CUBN: variants seen among roughly 807,000 people sequenced by gnomAD.
The protein encoded by CUBN is cubilin.
CUBN carries 282 observed loss-of-function variants against 405.3 expected under a neutral mutation model. The ratio of observed to expected loss-of-function variants is 0.70; its 90% CI spans 0.63 to 0.77. CUBN has a LOEUF of 0.77. Among genes scored for constraint, CUBN ranks in the 30% least tolerant of loss-of-function variants. The pLI, the probability that CUBN is intolerant of heterozygous loss-of-function variation, is 0.00. For synonymous variants in CUBN, 1,684 were observed against 1,617.0 expected (o/e 1.04, Z -0.99); for missense variants, 4,514 against 4,475.2 (o/e 1.01, Z -0.25).
At chr10:17,107,005 C>A (rs1416593246) in intron 10 of CUBN, among the ~76,000 whole-genome samples, 1 of 152,138 alleles carries the variant, frequency 6.6e-6, no homozygotes, top group Non-Finnish European at 1.5e-5. Context: ...CTCCTCATTG[C>A]CAAGGTACAA....
At chr10:16,874,708 G>A (rs748362658) in intron 57 of CUBN, among the ~76,000 whole-genome samples, 31 of 152,270 alleles carry the variant, frequency 2.0e-4, no homozygotes, top group Middle Eastern at 3.4e-3. Context: ...ACAGCAAGAG[G>A]GTAGAAACAG....
intron 37 of CUBN, among the ~76,000 whole-genome samples, chr10:16,939,805 G>A (rs1842605924): frequency 6.6e-6 from 1 of 152,146 alleles, no homozygotes; most frequent in Non-Finnish European, 1.5e-5. Flanking sequence ...AGAAATTAGA[G>A]CTTAAAAAGA....
chr10:17,079,296 C>T (rs1294427235), intron 17 of CUBN, among the ~76,000 whole-genome samples: 1 of 141,366 alleles, frequency 7.1e-6, no homozygotes, highest in African/African-American at 2.7e-5. Flanking sequence ...AGTATAGTGG[C>T]GTGATTTCAG....
At chr10:17,095,294 C>T (rs10904874) in intron 14 of CUBN, among the ~76,000 whole-genome samples, 81,490 of 151,726 alleles carry the variant, frequency 0.54, 22,538 homozygotes, top group East Asian at 0.67. Flanking sequence ...ACTGAAGAAC[C>T]AATCCAGGAA....
At chr10:17,051,892 G>A (rs141276338) in intron 22 of CUBN, among the ~76,000 whole-genome samples, 3,482 of 151,242 alleles carry the variant, frequency 0.023, 68 homozygotes, top group Admixed American at 0.052. Context: ...GAAGGAAATA[G>A]CGGCTAAAAT....
At position 16,860,172 on chromosome 10, in the gene CUBN, G is replaced by A. The variant is rs535070490; in HGVS notation, c.9455-8729C>T. Among the ~76,000 whole-genome samples, 8 of 152,066 alleles carry A rather than the reference G, an allele frequency of 5.3e-5. No individual in the cohort carries two copies. The East Asian group carries it at 1.4e-3, about 26-fold the overall frequency. ...CAAACAAAACACAAATAGTACAAAG[G>A]TCTATCTAAAACTAATATTGTTAGT... On this transcript the variant is annotated intron_variant, in intron 59 of 66. Coordinates refer to ENST00000377833, the MANE Select transcript of CUBN (RefSeq NM_001081.4).
At chr10:16,928,732 T>C (rs1014505984) in intron 40 of CUBN, among the ~76,000 whole-genome samples, 1 of 152,064 alleles carries the variant, frequency 6.6e-6, no homozygotes, top group Non-Finnish European at 1.5e-5. Flanking sequence ...GGTTTTACCA[T>C]GTTGGCCAGG....
At chr10:17,012,129 G>T (rs1201586581) in intron 28 of CUBN, among the ~76,000 whole-genome samples, 1 of 152,134 alleles carries the variant, frequency 6.6e-6, no homozygotes, top group Non-Finnish European at 1.5e-5. Flanking sequence ...AGCTCATTTG[G>T]GGTTCCATTT....
intron 10 of CUBN, among the ~76,000 whole-genome samples, chr10:17,108,572 C>T (rs191943905): frequency 1.3e-5 from 2 of 151,832 alleles, no homozygotes; most frequent in East Asian, 1.9e-4. Context: ...TTTGATGCTA[C>T]GGATAAAAAA....
intron 54 of CUBN, among the ~76,000 whole-genome samples, chr10:16,895,358 C>CAT (rs201870070): frequency 2.9e-5 from 4 of 138,666 alleles, no homozygotes; most frequent in Non-Finnish European, 3.0e-5. Context: ...CACACACACA[C>CAT]ATATATATAC....
chr10:16,978,234 A>G (rs1833154643), intron 31 of CUBN, among the ~76,000 whole-genome samples: 1 of 152,224 alleles, frequency 6.6e-6, no homozygotes, highest in African/African-American at 2.4e-5. Flanking sequence ...GGCTCTCAGA[A>G]GAGCTGCTAA....
At chr10:17,073,356 A>G (rs1486841794) in intron 17 of CUBN, among the ~76,000 whole-genome samples, 3 of 152,184 alleles carry the variant, frequency 2.0e-5, no homozygotes, top group East Asian at 1.9e-4. Context: ...CATAAATTCA[A>G]AAAACATTGT....
chr10:16,950,186 GA>G (rs2131625755), intron 33 of CUBN, 75 bp from the exon 34 acceptor site: 1 of 995,386 alleles, frequency 1.0e-6, no homozygotes, highest in East Asian at 2.5e-5. Flanking sequence ...GCAAGACGGG[GA>G]GGTGGGGATG....
At chr10:16,966,613 T>C (rs1843398934) in intron 31 of CUBN, among the ~76,000 whole-genome samples, 1 of 152,156 alleles carries the variant, frequency 6.6e-6, no homozygotes. Context: ...TACACCCAGC[T>C]ACATTTCGTA....
chr10:17,047,664 T>C, intron 22 of CUBN, 61 bp from the exon 23 acceptor site: 2 of 1,396,898 alleles, frequency 1.4e-6, no homozygotes, highest in Admixed American at 1.7e-5. Context: ...TTATAATACA[T>C]CCAGTAATAT....
chr10:17,000,008 G>T (rs377260002), intron 28 of CUBN, among the ~76,000 whole-genome samples: 25 of 152,302 alleles, frequency 1.6e-4, no homozygotes, highest in African/African-American at 5.3e-4. Context: ...TGAGCCTCAA[G>T]GTTGTTTTCT....
At chr10:17,080,494 C>G (rs1282057791) in intron 17 of CUBN, among the ~76,000 whole-genome samples, 1 of 152,174 alleles carries the variant, frequency 6.6e-6, no homozygotes, top group Non-Finnish European at 1.5e-5. Context: ...AACAACTTCT[C>G]GAAAGCCCTT....
chr10:17,114,424 G>C (rs907155599), intron 7 of CUBN, among the ~76,000 whole-genome samples: 1 of 152,132 alleles, frequency 6.6e-6, no homozygotes, highest in African/African-American at 2.4e-5. Flanking sequence ...AAAGATGCCA[G>C]GGAAAGAGTA....
Position 16,937,736 on chromosome 10 carries a change from C to G in CUBN, c.5782G>C (p.Gly1928Arg), listed in dbSNP as rs748197779. 7 of 1,613,878 alleles carry G rather than the reference C, an allele frequency of 4.3e-6. No homozygotes were observed. Among genetic ancestry groups the G allele is most frequent in the Non-Finnish European group, 5.9e-6 (7 of 1,179,992 alleles). The change falls in exon 39 of 67, where the codon GGT becomes CGT. Residue 1928 changes from glycine to arginine, a missense_variant. This residue lies in a region of CUBN where 1,613 missense variants were observed against 1,542.8 expected (regional missense o/e 1.05). Transcript: ENST00000377833. ...GAGCTGAAAGATTCAGTCTGGGTAC[C>G]ACAGTAAGCTCCAATTAGGCGGGCG... ...IHARLIGAYC[G>R]TQTESFSSTG...
Sources: gnomAD v4.1 joint callset for allele counts (sites outside exome capture counted in the v4.1 genomes callset) on GRCh38, gnomAD v4.1.1 for gene constraint, gnomAD v4.1.1 regional missense constraint, MANE v1.5 for transcripts, NCBI Gene and HGNC (gene_info 2026-07-23, HGNC 2026-07-21) for gene names.